The following MTHFD2L variants were observed in gnomAD, a reference collection of about 807,000 sequenced individuals.
The protein encoded by MTHFD2L is methylenetetrahydrofolate dehydrogenase (NADP+ dependent) 2 like.
In MTHFD2L, 29 loss-of-function variants were observed where a neutral mutation model predicts 34.9. The ratio of observed to expected loss-of-function variants is 0.83; its 90% CI spans 0.62 to 1.13. The LOEUF (loss-of-function observed/expected upper bound fraction) is 1.13. Ranked by LOEUF, MTHFD2L falls within the 50% of genes most tolerant of loss-of-function variation. The probability of loss-of-function intolerance (pLI) is 0.00; values close to 1 mark genes in which losing one functional copy is unlikely to be tolerated. For synonymous variants in MTHFD2L, 167 were observed against 155.7 expected, an observed-to-expected ratio of 1.07 and a Z score of -0.54; for missense variants, 481 against 446.5, an observed-to-expected ratio of 1.08 and a Z score of -0.70.
intron 6 of MTHFD2L, among the ~76,000 whole-genome samples, chr4:74,280,792 T>G (rs1747354951): frequency 6.6e-6 from 1 of 152,102 alleles, no homozygotes; most frequent in East Asian, 1.9e-4. Flanking sequence ...ACATGACACC[T>G]TTCAGAATCA....
chr4:74,286,107 A>T (rs1221347430), intron 7 of MTHFD2L, among the ~76,000 whole-genome samples: 1 of 152,102 alleles, frequency 6.6e-6, no homozygotes, highest in Non-Finnish European at 1.5e-5. Context: ...TTTTGTATTG[A>T]TTTCCAGTTA....
At chr4:74,203,901 T>G (rs1386009889) in intron 5 of MTHFD2L, among the ~76,000 whole-genome samples, 3 of 152,258 alleles carry the variant, frequency 2.0e-5, no homozygotes, top group Non-Finnish European at 4.4e-5. Context: ...TTTGCAGTTT[T>G]TTTTTTTTTC....
chr4:74,135,205 G>A (rs975790660), intron 1 of MTHFD2L, among the ~76,000 whole-genome samples: 5 of 151,986 alleles, frequency 3.3e-5, no homozygotes, highest in African/African-American at 4.8e-5. Flanking sequence ...AACTGTAATG[G>A]CAGCAAGAGA....
At chr4:74,186,253 A>C (rs1731215093) in intron 3 of MTHFD2L, among the ~76,000 whole-genome samples, 1 of 152,010 alleles carries the variant, frequency 6.6e-6, no homozygotes, top group Non-Finnish European at 1.5e-5. Context: ...GAATGTATGA[A>C]AAATCTATAG....
intron 1 of MTHFD2L, among the ~76,000 whole-genome samples, chr4:74,128,149 A>AC: frequency 6.6e-6 from 1 of 152,110 alleles, no homozygotes; most frequent in South Asian, 2.1e-4. Context: ...CTTGTTACTA[A>AC]TACTTGTGAA....
chr4:74,199,970 A>T, intron 4 of MTHFD2L, 24 bp downstream of exon 4: 1 of 1,613,140 alleles, frequency 6.2e-7, no homozygotes, highest in Non-Finnish European at 8.5e-7. Context: ...GGTCTGCAGG[A>T]CATGGATGCT....
At chr4:74,236,737 G>A (rs1740896862) in intron 6 of MTHFD2L, among the ~76,000 whole-genome samples, 1 of 152,214 alleles carries the variant, frequency 6.6e-6, no homozygotes, top group African/African-American at 2.4e-5. Context: ...GTCAGTAGAT[G>A]ATTAAAAATC....
At chr4:74,271,468 A>C (rs1745972118) in intron 6 of MTHFD2L, among the ~76,000 whole-genome samples, 1 of 152,188 alleles carries the variant, frequency 6.6e-6, no homozygotes, top group South Asian at 2.1e-4. Flanking sequence ...TTTGTCAAAG[A>C]TCTGATGGTT....
intron 3 of MTHFD2L, among the ~76,000 whole-genome samples, chr4:74,179,671 T>C (rs749630240): frequency 6.6e-6 from 1 of 152,058 alleles, no homozygotes; most frequent in Non-Finnish European, 1.5e-5. Flanking sequence ...TGGGAACATA[T>C]AGTTTGTTAG....
chr4:74,142,091 ACCGTAATATC>A (rs1723304854), intron 1 of MTHFD2L, among the ~76,000 whole-genome samples: 1 of 152,194 alleles, frequency 6.6e-6, no homozygotes, highest in South Asian at 2.1e-4. Flanking sequence ...TGAAAAACTC[ACCGTAATATC>A]CCAAAAGGCT....
At chr4:74,145,890 G>A (rs1409135801) in intron 1 of MTHFD2L, among the ~76,000 whole-genome samples, 1 of 152,088 alleles carries the variant, frequency 6.6e-6, no homozygotes, top group Non-Finnish European at 1.5e-5. Context: ...ATAAGTAAAT[G>A]CTCTCTGAGG....
chr4:74,155,386 A>C (rs1724177864), upstream of MTHFD2L, among the ~76,000 whole-genome samples: 1 of 152,142 alleles, frequency 6.6e-6, no homozygotes, highest in Non-Finnish European at 1.5e-5. Context: ...CATGATTTTC[A>C]TGCATATAAT....
At chr4:74,245,481 ATT>A (rs33988429) in intron 6 of MTHFD2L, among the ~76,000 whole-genome samples, 3 of 151,452 alleles carry the variant, frequency 2.0e-5, no homozygotes, top group Non-Finnish European at 4.4e-5. Context: ...ATTTTCAATA[ATT>A]TTTTTTATTA....
At chr4:74,190,564 G>A (rs1252593601) in intron 3 of MTHFD2L, 7 of 977,280 alleles carry the variant, frequency 7.2e-6, no homozygotes, top group Middle Eastern at 5.2e-4. Context: ...CAGAATTTGG[G>A]GTGGAGTAGC....
At chr4:74,256,587 C>T (rs976979989) in intron 6 of MTHFD2L, among the ~76,000 whole-genome samples, 2 of 152,118 alleles carry the variant, frequency 1.3e-5, no homozygotes, top group African/African-American at 4.8e-5. Context: ...AAAAGGTAGC[C>T]AATTTCATCC....
chr4:74,140,800 T>C (rs899358394), intron 1 of MTHFD2L, among the ~76,000 whole-genome samples: 11 of 152,194 alleles, frequency 7.2e-5, no homozygotes, highest in Non-Finnish European at 7.4e-5. Context: ...AAGCCCCTTA[T>C]AAAACCATTA....
At chr4:74,149,509 A>G (rs1723802879) in intron 1 of MTHFD2L, among the ~76,000 whole-genome samples, 1 of 152,238 alleles carries the variant, frequency 6.6e-6, no homozygotes. Flanking sequence ...CCAGCTCAAT[A>G]TCATATGTTA....
intron 1 of MTHFD2L, among the ~76,000 whole-genome samples, chr4:74,126,118 A>G (rs1722054356): frequency 6.6e-6 from 1 of 152,192 alleles, no homozygotes; most frequent in Admixed American, 6.6e-5. Flanking sequence ...ATGACCCACT[A>G]AAGCAGTGTA....
intron 6 of MTHFD2L, among the ~76,000 whole-genome samples, chr4:74,247,861 G>A (rs1045168289): frequency 6.6e-6 from 1 of 152,128 alleles, no homozygotes; most frequent in Non-Finnish European, 1.5e-5. Context: ...GCTTTTTGAT[G>A]TGCTGCTGGA....
Sources: allele counts gnomAD v4.1 joint callset (sites outside exome capture counted in the v4.1 genomes callset), GRCh38; gene constraint gnomAD v4.1.1; transcripts MANE v1.5; gene names NCBI Gene and HGNC (gene_info 2026-07-23, HGNC 2026-07-21).